VPS4A: variants seen among roughly 807,000 people sequenced by gnomAD.
VPS4A encodes the protein vacuolar protein sorting-associated protein 4A.
In VPS4A, 20 loss-of-function variants were observed where a neutral mutation model predicts 52.3. The observed-to-expected ratio is 0.38, with a 90% CI of 0.27 to 0.56. The LOEUF (loss-of-function observed/expected upper bound fraction) is 0.56. Ranked by LOEUF, VPS4A falls within the 20% of genes least tolerant of loss-of-function variation. The pLI, the probability that VPS4A is intolerant of heterozygous loss-of-function variation, is 0.72. For synonymous variants in VPS4A, 293 were observed against 227.7 expected, an observed-to-expected ratio of 1.29 and a Z score of -2.58; for missense variants, 419 against 575.9, an observed-to-expected ratio of 0.73 and a Z score of 2.79.
intron 10 of VPS4A, chr16:69,323,837 C>T (rs1965545489): frequency 2.8e-6 from 1 of 362,828 alleles, no homozygotes; most frequent in Admixed American, 3.7e-5. Context: ...GTAGTCCCAG[C>T]TATTTGGGAG....
At chr16:69,319,654 G>A (rs1965485720) in intron 6 of VPS4A, 111 bp downstream of exon 6, 8 of 1,389,192 alleles carry the variant, frequency 5.8e-6, no homozygotes, top group South Asian at 5.6e-5. Flanking sequence ...TTCAGGGAGG[G>A]TACCCAAGAG....
intron 9 of VPS4A, chr16:69,322,001 AAG>A (rs1177980662): frequency 6.4e-6 from 1 of 155,702 alleles, no homozygotes; most frequent in East Asian, 1.9e-4. Flanking sequence ...TGGGAAGAAA[AAG>A]AGGTTTAATT....
chr16:69,326,025 C>T lies in VPS4A; in HGVS notation c.*1716C>T, dbSNP rs1965589970. 1 of 152,326 alleles carries T rather than the reference C, an allele frequency of 6.6e-6. No individual in the cohort carries two copies. The highest frequency in any genetic ancestry group is 6.5e-5 in the Admixed American group (1 of 15,278). 9.4% of individuals were successfully genotyped at this position (152,326 alleles called of 1,614,324 possible). On this transcript the variant is annotated 3_prime_UTR_variant, in exon 11 of 11. Transcript: ENST00000254950. ...GCTGCAGAGGCTGTCCCACGTTTAC[C>T]CCATGCATATAAACAGACCAAAGTC...
At chr16:69,319,289 A>T in intron 5 of VPS4A, 98 bp from the exon 6 acceptor site, 1 of 1,510,168 alleles carries the variant, frequency 6.6e-7, no homozygotes, top group Non-Finnish European at 8.9e-7. Flanking sequence ...GTTTCACAGA[A>T]TGCCCTGTTT....
At chr16:69,319,822 G>A (rs1337106945) in intron 6 of VPS4A, among the ~76,000 whole-genome samples, 2 of 152,168 alleles carry the variant, frequency 1.3e-5, no homozygotes, top group East Asian at 3.9e-4. Context: ...CAGTGTGTGG[G>A]GGACATGGTT....
rs567559483 is a variant in VPS4A at position 69,324,624 on chromosome 16, C to A, written c.*315C>A. 1 of 303,172 alleles carries A rather than the reference C, an allele frequency of 3.3e-6. No homozygotes were observed. Among genetic ancestry groups the A allele is most frequent in the East Asian group, 6.8e-5 (1 of 14,744 alleles). The allele number at this position is 303,172 out of a possible 1,614,324, so 18.8% of individuals were successfully genotyped here. On this transcript the variant is annotated 3_prime_UTR_variant, in exon 11 of 11. Coordinates refer to ENST00000254950, the MANE Select transcript of VPS4A (RefSeq NM_013245.3). The stretch of plus-strand genomic sequence containing the variant: ...AAATTAATGCTGCTTGGATTTTCAT[C>A]TTATTTATAAAGATAAAATCACCTG...
intron 10 of VPS4A, chr16:69,323,479 A>G (rs573760752): frequency 2.9e-6 from 1 of 344,402 alleles, no homozygotes; most frequent in South Asian, 2.2e-5. Context: ...TTTAGCAAGT[A>G]AAGTCAGGTC....
rs991973498 is a variant in VPS4A at position 69,316,216 on chromosome 16, C to T, written c.134-9C>T. 1.9e-5 allele frequency: 31 copies of T among 1,613,422 alleles called. No homozygotes were observed. The East Asian group carries it at 6.2e-4, about 32-fold the overall frequency. ...CCTCACAGGGGCCCCTCTGTGTTCC[C>T]TTTCACAGATGAGGCCCACAGCGAC... On this transcript the variant is annotated splice_polypyrimidine_tract_variant and intron_variant, in intron 2 of 10. Coordinates refer to ENST00000254950, the MANE Select transcript of VPS4A (RefSeq NM_013245.3).
At chr16:69,317,427 G>T (rs1301366364) in intron 3 of VPS4A, among the ~76,000 whole-genome samples, 2 of 152,156 alleles carry the variant, frequency 1.3e-5, no homozygotes, top group Non-Finnish European at 2.9e-5. Flanking sequence ...GGAGGCCAAC[G>T]CGGGCAGATC....
rs1431104977 is a variant in VPS4A at position 69,311,403 on chromosome 16, C to G, written c.-109C>G. 5 of 1,176,110 alleles carry G rather than the reference C, an allele frequency of 4.3e-6. No individual in the cohort carries two copies. Among genetic ancestry groups the G allele is most frequent in the Non-Finnish European group, 5.4e-6 (5 of 931,648 alleles). 72.9% of individuals were successfully genotyped at this position (1,176,110 alleles called of 1,614,324 possible). A position where few individuals can be genotyped will look rare whatever the true frequency, so the allele number is the denominator to read the frequency against. On this transcript the variant is annotated 5_prime_UTR_variant, in exon 1 of 11. Coordinates refer to ENST00000254950, the MANE Select transcript of VPS4A (RefSeq NM_013245.3). ...GGCCGCCCTGCCCGCGCACCGCGCT[C>G]AGCGCCCACCGCCGGGCTTCCCGCG... is the stretch of plus-strand genomic sequence containing the variant.
In VPS4A at chr16:69,321,308, G is replaced by GT. The variant is rs1392708320; in HGVS notation, c.1071+39dup. The stretch of plus-strand genomic sequence containing the variant: ...GGCCACTGCTGAGAAAAATCTCATA[G>GT]TAAGAGCGGGATGTTCGGTTTTTTT... On this transcript the variant is annotated intron_variant, in intron 9 of 10. Transcript: ENST00000254950. The surrounding 1 kb of genome is among the most constrained non-coding windows in gnomAD (Gnocchi z 4.5). The GT allele has an allele frequency of 1.9e-6, 3 of 1,539,664 alleles. No homozygotes were observed. Among genetic ancestry groups the GT allele is most frequent in the Non-Finnish European group, 1.8e-6 (2 of 1,139,332 alleles).
rs186545587 is a variant in VPS4A at position 69,318,908 on chromosome 16, C to A, written c.429C>A (p.Val143=). ...CCAAGGAGGCCCTCAAAGAAGCTGT[C>A]ATTTTGCCAATCAAATTCCCACACT... is the stretch of plus-strand genomic sequence containing the variant. ...EGAKEALKEA[V]ILPIKFPHLF... Residue 143 remains valine, a synonymous_variant, in exon 5 of 11, where the codon GTC becomes GTA. Coordinates refer to ENST00000254950, the MANE Select transcript of VPS4A (RefSeq NM_013245.3). 6.2e-7 allele frequency: 1 copy of A among 1,613,696 alleles called. No individual in the cohort carries two copies. Among genetic ancestry groups the A allele is most frequent in the Admixed American group, 1.7e-5 (1 of 60,026 alleles).
At chr16:69,324,158 G>T in intron 10 of VPS4A, 50 bp from the exon 11 acceptor site, 3 of 1,578,376 alleles carry the variant, frequency 1.9e-6, no homozygotes, top group Non-Finnish European at 1.7e-6. Flanking sequence ...AGGGGAGGTT[G>T]GGGACCTGGA....
chr16:69,312,299 A>G (rs535515651), intron 1 of VPS4A, among the ~76,000 whole-genome samples: 1 of 152,166 alleles, frequency 6.6e-6, no homozygotes, highest in Non-Finnish European at 1.5e-5. Context: ...GCATTCTTGT[A>G]TGTCTGGCAC....
rs1384370906 is a variant in VPS4A at position 69,311,380 on chromosome 16, C to CCGCCCTGCCCG, written c.-128_-118dup. On this transcript the variant is annotated 5_prime_UTR_variant, in exon 1 of 11. Transcript: ENST00000254950. ...CGGACTCGGCTCCCGCTGCGAGCGG[C>CCGCCCTGCCCG]CGCCCTGCCCGCGCACCGCGCTCAG... 2 of 1,031,450 alleles carry CCGCCCTGCCCG rather than the reference C, an allele frequency of 1.9e-6. No individual in the cohort carries two copies. The highest frequency in any genetic ancestry group is 3.4e-5 in the African/African-American group (2 of 59,376). 63.9% of individuals were successfully genotyped at this position (1,031,450 alleles called of 1,614,324 possible).
chr16:69,325,751 G>A lies in VPS4A; in HGVS notation c.*1442G>A, dbSNP rs1026753066. ...CTGTCTCAAAAAAAAAAAAAAAGTC[G>A]AGAGTTGACATAAAAATTCAGAATT... On this transcript the variant is annotated 3_prime_UTR_variant, in exon 11 of 11. Coordinates refer to ENST00000254950, the MANE Select transcript of VPS4A (RefSeq NM_013245.3). The A allele has an allele frequency of 6.7e-6, 1 of 149,648 alleles. No homozygotes were observed. Among genetic ancestry groups the A allele is most frequent in the Non-Finnish European group, 1.5e-5 (1 of 67,560 alleles). The allele number at this position is 149,648 out of a possible 1,614,324, so 9.3% of individuals were successfully genotyped here.
Position 69,320,995 on chromosome 16 carries a change from C to T in VPS4A, c.852-56C>T, listed in dbSNP as rs542209220. 4 of 1,510,536 alleles carry T rather than the reference C, an allele frequency of 2.6e-6. No individual in the cohort carries two copies. The highest frequency in any genetic ancestry group is 2.0e-5 in the Admixed American group (1 of 50,882). The allele number at this position is 1,510,536 out of a possible 1,614,324, so 93.6% of individuals were successfully genotyped here. A position where few individuals can be genotyped will look rare whatever the true frequency, so the allele number is the denominator to read the frequency against. The stretch of plus-strand genomic sequence containing the variant: ...ACTCAAATCTTCGTGCCTCCCCTTC[C>T]GTGAATACCATTCCATCATCCGCTG... On this transcript the variant is annotated intron_variant, in intron 8 of 10. Coordinates refer to ENST00000254950, the MANE Select transcript of VPS4A (RefSeq NM_013245.3). This position sits in a 1 kb window ranked among gnomAD's most constrained non-coding sequence, Gnocchi z 4.2.
At chr16:69,317,542 C>G (rs909836704) in intron 3 of VPS4A, among the ~76,000 whole-genome samples, 4 of 152,138 alleles carry the variant, frequency 2.6e-5, no homozygotes, top group African/African-American at 4.8e-5. Flanking sequence ...GCCTGTAATC[C>G]CAGCACTTTG....
chr16:69,313,050 C>G (rs1965396319), intron 1 of VPS4A, among the ~76,000 whole-genome samples: 1 of 152,104 alleles, frequency 6.6e-6, no homozygotes, highest in East Asian at 1.9e-4. Flanking sequence ...ACAATCTCAA[C>G]TCATTGCGGC....
Sources: allele counts gnomAD v4.1 joint callset (sites outside exome capture counted in the v4.1 genomes callset), GRCh38; gene constraint gnomAD v4.1.1; non-coding constraint Gnocchi (gnomAD v3.1); transcripts MANE v1.5; gene names NCBI Gene and HGNC (gene_info 2026-07-23, HGNC 2026-07-21).